WDFY3: variants seen among roughly 807,000 people sequenced by gnomAD.
The protein encoded by WDFY3 is WD repeat and FYVE domain-containing protein 3.
Under a neutral mutation model 409.6 loss-of-function variants are expected in WDFY3, and 66 were observed. The observed-to-expected ratio is 0.16, with a 90% CI of 0.13 to 0.20. WDFY3 has a LOEUF of 0.20. Among genes scored for constraint, WDFY3 ranks in the 10% least tolerant of loss-of-function variants. WDFY3 has a pLI of 1.00. For missense variants in WDFY3, 3,031 were observed against 4,298.1 expected (o/e 0.71, Z 8.24); for synonymous variants, 1,521 against 1,537.1 (o/e 0.99, Z 0.25).
intron 1 of WDFY3, among the ~76,000 whole-genome samples, chr4:84,940,694 A>G (rs1771995102): frequency 6.6e-6 from 1 of 152,110 alleles, no homozygotes; most frequent in South Asian, 2.1e-4. Flanking sequence ...ATATCCTGAT[A>G]TCAAAACCAG....
At chr4:84,840,955 T>A (rs1757263699) in intron 6 of WDFY3, among the ~76,000 whole-genome samples, 199 bp downstream of exon 6, 1 of 152,140 alleles carries the variant, frequency 6.6e-6, no homozygotes. Context: ...CGTTTCCTTA[T>A]GAGTAAAATG....
intron 3 of WDFY3, among the ~76,000 whole-genome samples, chr4:84,883,793 TAA>T (rs970370176): frequency 6.6e-6 from 1 of 152,184 alleles, no homozygotes; most frequent in Non-Finnish European, 1.5e-5. Flanking sequence ...AGGTTAAAAT[TAA>T]GTTTCTCATC....
At chr4:84,873,788 G>GT in intron 3 of WDFY3, among the ~76,000 whole-genome samples, 1 of 150,736 alleles carries the variant, frequency 6.6e-6, no homozygotes, top group African/African-American at 2.5e-5. Context: ...TTTTTTGTTT[G>GT]TTTGTTTGTT....
intron 3 of WDFY3, among the ~76,000 whole-genome samples, chr4:84,876,903 A>G (rs1424473546): frequency 6.6e-6 from 1 of 152,232 alleles, no homozygotes; most frequent in Non-Finnish European, 1.5e-5. Context: ...GATAAAAATT[A>G]CATTAATCAT....
intron 10 of WDFY3, among the ~76,000 whole-genome samples, chr4:84,824,484 T>C (rs1754563249): frequency 6.6e-6 from 1 of 152,114 alleles, no homozygotes; most frequent in Admixed American, 6.5e-5. Context: ...GGGGAGTGAT[T>C]AGATAGAATC....
intron 56 of WDFY3, among the ~76,000 whole-genome samples, chr4:84,697,828 C>A (rs926115579): frequency 2.6e-5 from 4 of 152,146 alleles, no homozygotes; most frequent in Non-Finnish European, 5.9e-5. Flanking sequence ...AATTTTAGAA[C>A]ACAAAGCCAA....
At chr4:84,922,288 A>G (rs1382696392) in intron 2 of WDFY3, among the ~76,000 whole-genome samples, 4 of 152,200 alleles carry the variant, frequency 2.6e-5, no homozygotes, top group Admixed American at 2.6e-4. Context: ...GAGTCTTCTC[A>G]GGACAAAAAG....
intron 49 of WDFY3, 120 bp from the exon 50 acceptor site, chr4:84,715,503 G>A (rs554791399): frequency 3.6e-4 from 205 of 566,988 alleles, no homozygotes; most frequent in East Asian, 2.4e-3. Flanking sequence ...GGCCGGGCGC[G>A]GTGGCTCATG....
At chr4:84,935,428 T>C (rs1579197095) in intron 1 of WDFY3, among the ~76,000 whole-genome samples, 1 of 152,176 alleles carries the variant, frequency 6.6e-6, no homozygotes, top group East Asian at 1.9e-4. Flanking sequence ...CTAATTGTGG[T>C]CTTAGTTCGC....
intron 63 of WDFY3, 131 bp downstream of exon 63, chr4:84,683,812 T>C: frequency 1.1e-6 from 1 of 919,772 alleles, no homozygotes. Flanking sequence ...GGCCAAGGCC[T>C]GTCTGAGCTG....
intron 38 of WDFY3, 39 bp downstream of exon 38, chr4:84,741,722 A>G (rs769706808): frequency 6.6e-7 from 1 of 1,519,654 alleles, no homozygotes; most frequent in Non-Finnish European, 8.9e-7. Context: ...GCAAAACAGG[A>G]AAACATGTAC....
In WDFY3 at chr4:84,929,502, T is replaced by C. The variant is rs375229955; in HGVS notation, c.-132+2768A>G. ...CCCCAAATTCATACGTTGAAATCCATACCGTCAGTACCTCAAAATGTGACC... is the reference window on the plus strand; with the variant it reads ...CCCCAAATTCATACGTTGAAATCCACACCGTCAGTACCTCAAAATGTGACC... On this transcript the variant is annotated intron_variant, in intron 2 of 67. Transcript: ENST00000295888. 6.2e-5 allele frequency among the ~76,000 whole-genome samples: 9 copies of C among 144,572 alleles called. No homozygotes were observed. The East Asian group carries it at 1.4e-3, about 23-fold the overall frequency. 94.8% of individuals were successfully genotyped at this position (144,572 alleles called of 152,430 possible). A position where few individuals can be genotyped will look rare whatever the true frequency, so the allele number is the denominator to read the frequency against.
chr4:84,764,864 CAAA>C (rs554582388), intron 32 of WDFY3, among the ~76,000 whole-genome samples: 12 of 72,134 alleles, frequency 1.7e-4, no homozygotes, highest in Admixed American at 1.6e-4. Context: ...GACTCCGACT[CAAA>C]AAAAAAAAAA....
chr4:84,959,532 G>T (rs1028186887), intron 1 of WDFY3, among the ~76,000 whole-genome samples: 4 of 152,130 alleles, frequency 2.6e-5, no homozygotes, highest in Admixed American at 6.6e-5. Context: ...AAAAACAACT[G>T]GACCTGATGC....
At chr4:84,938,022 T>C (rs547313496) in intron 1 of WDFY3, among the ~76,000 whole-genome samples, 94 of 152,232 alleles carry the variant, frequency 6.2e-4, no homozygotes, top group South Asian at 4.8e-3. Context: ...TTAAGTAAAA[T>C]AAGGGTTATT....
chr4:84,826,552 T>G (rs1483024844), intron 10 of WDFY3, among the ~76,000 whole-genome samples: 1 of 152,206 alleles, frequency 6.6e-6, no homozygotes, highest in African/African-American at 2.4e-5. Context: ...TTGATTAAAT[T>G]GTTTGAATGT....
chr4:84,742,411 C>T (rs1738599907), intron 37 of WDFY3, among the ~76,000 whole-genome samples: 1 of 152,080 alleles, frequency 6.6e-6, no homozygotes, highest in African/African-American at 2.4e-5. Flanking sequence ...GTGTGTTTAG[C>T]CCCTCCATCA....
rs369039092 is a variant in WDFY3, at chr4:84,677,185, A to G, written c.10457+14T>C. On this transcript the variant is annotated intron_variant, in intron 67 of 67. Coordinates refer to ENST00000295888, the MANE Select transcript of WDFY3 (RefSeq NM_014991.6). Reference sequence around the variant, plus strand: ...TAATCAATGTAAATTCAAAAAGCAGATATCTTATCTTACTTCTGGCAGAAG... The same window carrying G: ...TAATCAATGTAAATTCAAAAAGCAGGTATCTTATCTTACTTCTGGCAGAAG... 1.2e-5 allele frequency: 20 copies of G among 1,613,850 alleles called. No homozygotes were observed. Among genetic ancestry groups the G allele is most frequent in the African/African-American group, 1.1e-4 (8 of 74,932 alleles).
intron 41 of WDFY3, among the ~76,000 whole-genome samples, chr4:84,736,911 A>C (rs564977091): frequency 1.7e-4 from 26 of 152,162 alleles, no homozygotes; most frequent in African/African-American, 6.3e-4. Context: ...ACCTGTAGCC[A>C]AGACAGTGAC....
Sources: allele counts gnomAD v4.1 joint callset (sites outside exome capture counted in the v4.1 genomes callset), GRCh38; gene constraint gnomAD v4.1.1; transcripts MANE v1.5; gene names NCBI Gene and HGNC (gene_info 2026-07-23, HGNC 2026-07-21).